EEA1: variants seen among roughly 807,000 people sequenced by gnomAD.
EEA1 encodes early endosome antigen 1, 162kD.
EEA1 carries 111 observed loss-of-function variants against 209.2 expected under a neutral mutation model. The observed-to-expected ratio is 0.53, with a 90% CI of 0.45 to 0.62. The LOEUF is 0.62. Among genes scored for constraint, EEA1 ranks in the 20% least tolerant of loss-of-function variants. The pLI, the probability that EEA1 is intolerant of heterozygous loss-of-function variation, is 0.00. For missense variants in EEA1, 1,343 were observed against 1,530.8 expected, an observed-to-expected ratio of 0.88 and a Z score of 2.05; for synonymous variants, 536 against 540.6, an observed-to-expected ratio of 0.99 and a Z score of 0.12.
At chr12:92,895,778 C>A (rs1358355792) in intron 1 of EEA1, among the ~76,000 whole-genome samples, 1 of 152,056 alleles carries the variant, frequency 6.6e-6, no homozygotes, top group Non-Finnish European at 1.5e-5. Flanking sequence ...CTAAAAAGGT[C>A]ACCATTCTAG....
In EEA1 at chr12:92,771,192, A is replaced by C. The variant is rs577358149; in HGVS notation, c.*4819T>G. The C allele has an allele frequency of 4.6e-5, 7 of 152,250 alleles. No homozygotes were observed. Among genetic ancestry groups the C allele is most frequent in the Non-Finnish European group, 1.0e-4 (7 of 67,972 alleles). The allele number at this position is 152,250 out of a possible 1,614,324, so 9.4% of individuals were successfully genotyped here. ...TTATTGCATCAAAGGGAAGTCCACA[A>C]ACTTCCATTTCAGAATCGTACCTTT... On this transcript the variant is annotated 3_prime_UTR_variant, in exon 29 of 29. Transcript: ENST00000322349.
At position 92,895,471 on chromosome 12, in the gene EEA1, CTGAA is replaced by C. The variant is rs542968678; in HGVS notation, c.25-3754_25-3751del. 163 of 151,456 alleles carry C rather than the reference CTGAA, an allele frequency of 1.1e-3. 3 individuals carry two copies. The highest frequency in any genetic ancestry group is 3.7e-3 in the African/African-American group (148 of 40,530). The allele number at this position is 151,456 out of a possible 1,614,324, so 9.4% of individuals were successfully genotyped here. A position where few individuals can be genotyped will look rare whatever the true frequency, so the allele number is the denominator to read the frequency against. ...TGAGCCACTGTGCCTGGCTGGATGACTGAATATTTTAAGCCCACTATTAAGAGCT... is the reference window on the plus strand; with the variant it reads ...TGAGCCACTGTGCCTGGCTGGATGACTATTTTAAGCCCACTATTAAGAGCT... On this transcript the variant is annotated intron_variant, in intron 1 of 28. Transcript: ENST00000322349.
intron 1 of EEA1, among the ~76,000 whole-genome samples, chr12:92,903,173 G>A (rs1017184123): frequency 8.2e-4 from 124 of 151,530 alleles, no homozygotes; most frequent in Non-Finnish European, 1.5e-3. Flanking sequence ...TCCTGACCTC[G>A]TGATCCGCCC....
At chr12:92,917,249 C>T (rs1406587785) in intron 1 of EEA1, among the ~76,000 whole-genome samples, 1 of 126,688 alleles carries the variant, frequency 7.9e-6, no homozygotes, top group Non-Finnish European at 1.7e-5. Context: ...GAGAACGCCA[C>T]AAAGATACTC....
intron 1 of EEA1, among the ~76,000 whole-genome samples, chr12:92,892,250 C>T (rs1386728627): frequency 6.6e-6 from 1 of 152,052 alleles, no homozygotes; most frequent in Non-Finnish European, 1.5e-5. Flanking sequence ...ACCACCACAC[C>T]CAGCTAATTT....
At chr12:92,874,516 C>T (rs1442847921) in intron 2 of EEA1, among the ~76,000 whole-genome samples, 1 of 152,188 alleles carries the variant, frequency 6.6e-6, no homozygotes, top group Non-Finnish European at 1.5e-5. Context: ...CAGGCGCTTG[C>T]CGCCAGGCCT....
At chr12:92,834,546 T>TAAA (rs5800089) in intron 10 of EEA1, among the ~76,000 whole-genome samples, 1,049 of 74,232 alleles carry the variant, frequency 0.014, 60 homozygotes, top group South Asian at 0.019. Flanking sequence ...ACCCTGTCAC[T>TAAA]AAAAAAAAAA....
chr12:92,775,635 T>G lies in EEA1; in HGVS notation c.*376A>C, dbSNP rs2136644825. On this transcript the variant is annotated 3_prime_UTR_variant, in exon 29 of 29. Transcript: ENST00000322349. ...TGATAATATCATCCATGTACATTTT[T>G]GTACATTAAATTTAGGAGAAAGAAG... The G allele has an allele frequency of 6.3e-6, 1 of 157,624 alleles. No individual in the cohort carries two copies. The highest frequency in any genetic ancestry group is 3.2e-3 in the Middle Eastern group (1 of 310). The allele number at this position is 157,624 out of a possible 1,614,324, so 9.8% of individuals were successfully genotyped here. A position where few individuals can be genotyped will look rare whatever the true frequency, so the allele number is the denominator to read the frequency against.
intron 10 of EEA1, chr12:92,835,400 C>T (rs1431444977): frequency 9.1e-5 from 14 of 154,366 alleles, no homozygotes; most frequent in Admixed American, 1.7e-4. Flanking sequence ...AGTTTCACTC[C>T]TTTTTTTTTT....
At chr12:92,856,930 C>T (rs1298023325) in intron 5 of EEA1, among the ~76,000 whole-genome samples, 2 of 151,768 alleles carry the variant, frequency 1.3e-5, no homozygotes, top group African/African-American at 2.4e-5. Context: ...TGGCACCACA[C>T]TCAGCTAATT....
chr12:92,780,580 A>G (rs1873861749), intron 23 of EEA1, among the ~76,000 whole-genome samples, 169 bp from the exon 24 acceptor site: 1 of 152,178 alleles, frequency 6.6e-6, no homozygotes, highest in Admixed American at 6.5e-5. Flanking sequence ...TTATTTATAC[A>G]GTGTGAACAA....
intron 1 of EEA1, among the ~76,000 whole-genome samples, chr12:92,900,657 T>G (rs1404366424): frequency 7.0e-6 from 1 of 143,168 alleles, no homozygotes; most frequent in Admixed American, 7.0e-5. Flanking sequence ...TTTGTAGTTG[T>G]TTTTTTTTTT....
chr12:92,874,418 T>C (rs1328161460), intron 2 of EEA1, among the ~76,000 whole-genome samples: 1 of 152,238 alleles, frequency 6.6e-6, no homozygotes, highest in African/African-American at 2.4e-5. Context: ...CAGGCTGGAG[T>C]GCAGTGGCAC....
intron 11 of EEA1, among the ~76,000 whole-genome samples, chr12:92,828,547 G>A (rs1876430988): frequency 6.6e-6 from 1 of 150,548 alleles, no homozygotes; most frequent in South Asian, 2.1e-4. Context: ...TCCTCATACT[G>A]GCACATAATT....
chr12:92,927,737 T>G (rs375984960), intron 1 of EEA1, among the ~76,000 whole-genome samples: 1 of 152,212 alleles, frequency 6.6e-6, no homozygotes, highest in East Asian at 1.9e-4. Flanking sequence ...ACAGATGTCT[T>G]TACTGCTGAA....
At chr12:92,835,260 C>A (rs1876864755) in intron 10 of EEA1, 1 of 186,284 alleles carries the variant, frequency 5.4e-6, no homozygotes. Flanking sequence ...ACACTGAGAA[C>A]TTGGATGGAA....
chr12:92,900,861 G>A (rs973039625), intron 1 of EEA1, among the ~76,000 whole-genome samples: 1 of 152,044 alleles, frequency 6.6e-6, no homozygotes, highest in African/African-American at 2.4e-5. Flanking sequence ...TAGAGACAGG[G>A]TTTCACCATG....
intron 16 of EEA1, among the ~76,000 whole-genome samples, chr12:92,812,043 C>T (rs903946938): frequency 6.6e-6 from 1 of 151,792 alleles, no homozygotes. Context: ...AAAAATGGAC[C>T]AATAAAGCCA....
At chr12:92,804,565 C>CT (rs1365294129) in intron 18 of EEA1, among the ~76,000 whole-genome samples, 29 of 134,496 alleles carry the variant, frequency 2.2e-4, no homozygotes, top group Admixed American at 5.2e-4. Flanking sequence ...GAGTGAGACT[C>CT]TGTCTCAAAA....
Sources: allele counts gnomAD v4.1 joint callset (sites outside exome capture counted in the v4.1 genomes callset), GRCh38; gene constraint gnomAD v4.1.1; transcripts MANE v1.5; gene names NCBI Gene and HGNC (gene_info 2026-07-23, HGNC 2026-07-21).